The following CEP250 variants were observed in gnomAD, a reference collection of about 807,000 sequenced individuals.
CEP250 encodes centrosome-associated protein CEP250.
CEP250 carries 242 observed loss-of-function variants against 315.7 expected under a neutral mutation model. That is an observed-to-expected ratio of 0.77 (90% confidence interval 0.69 to 0.85). CEP250 has a LOEUF of 0.85. Among genes scored for constraint, CEP250 ranks in the 40% least tolerant of loss-of-function variants. The pLI is 0.00. For missense variants in CEP250, 2,515 were observed against 2,886.4 expected (o/e 0.87, Z 2.95); for synonymous variants, 1,088 against 1,175.0 (o/e 0.93, Z 1.51).
intron 30 of CEP250, among the ~76,000 whole-genome samples, chr20:35,506,698 C>T (rs935405880): frequency 6.6e-6 from 1 of 152,132 alleles, no homozygotes; most frequent in African/African-American, 2.4e-5. Flanking sequence ...CCAAAGTTCA[C>T]AGGGTTTGAA....
At chr20:35,462,684 C>T (rs1232981589) in intron 4 of CEP250, 131 bp downstream of exon 4, 1 of 679,444 alleles carries the variant, frequency 1.5e-6, no homozygotes, top group African/African-American at 1.8e-5. Flanking sequence ...TGAGATAAGA[C>T]CCAGACCTTC....
rs1456569656 is a variant in CEP250 at position 35,465,439 on chromosome 20, AATG to A, written c.244-302_244-300del. The stretch of plus-strand genomic sequence containing the variant: ...TGTCTCCAAAAAAAAAAAAAAAAAA[AATG>A]AAAGAAGTTAAGTCACTTCCCAAGG... On this transcript the variant is annotated intron_variant, in intron 5 of 34. Transcript: ENST00000397527. 3.1e-3 allele frequency among the ~76,000 whole-genome samples: 453 copies of A among 145,482 alleles called. 1 individual carries two copies. Among genetic ancestry groups the A allele is most frequent in the African/African-American group, 0.012 (438 of 35,328 alleles).
chr20:35,469,876 G>A lies in CEP250; in HGVS notation c.852-14G>A. 1 of 1,586,218 alleles carries A rather than the reference G, an allele frequency of 6.3e-7. No individual in the cohort carries two copies. The highest frequency in any genetic ancestry group is 1.1e-5 in the South Asian group (1 of 89,750). On this transcript the variant is annotated splice_polypyrimidine_tract_variant and intron_variant, in intron 9 of 34. Coordinates refer to ENST00000397527, the MANE Select transcript of CEP250 (RefSeq NM_007186.6). Reference sequence around the variant, plus strand: ...TGGGCTGTTCTGGTGACAGTGCTATGCTCTTCTCTTTAGGGTGACCGAGCT... The same window carrying A: ...TGGGCTGTTCTGGTGACAGTGCTATACTCTTCTCTTTAGGGTGACCGAGCT...
rs896658336 is a variant in CEP250, at chr20:35,490,896, G to T, written c.2754+92G>T. The T allele has an allele frequency of 4.1e-6, 6 of 1,456,434 alleles. No homozygotes were observed. The East Asian group carries it at 1.1e-4, about 28-fold the overall frequency. 90.2% of individuals were successfully genotyped at this position (1,456,434 alleles called of 1,614,324 possible). The stretch of plus-strand genomic sequence containing the variant: ...TTCTACTCCCAAGAGGAGTGCTGCA[G>T]AGGGGCTTCCAGAAGAGAGGGTAGC... On this transcript the variant is annotated intron_variant, in intron 21 of 34. Coordinates refer to ENST00000397527, the MANE Select transcript of CEP250 (RefSeq NM_007186.6).
intron 16 of CEP250, among the ~76,000 whole-genome samples, chr20:35,477,594 A>G (rs746612127): frequency 2.6e-5 from 4 of 152,216 alleles, no homozygotes; most frequent in Non-Finnish European, 4.4e-5. Flanking sequence ...CCTCCTTGCA[A>G]TCTCTGTTTC....
Position 35,498,364 on chromosome 20 carries a change from G to T in CEP250, c.3656-231G>T, listed in dbSNP as rs6088867. Among the ~76,000 whole-genome samples the T allele has an allele frequency of 9.7e-3, 1,470 of 152,260 alleles. 12 individuals carry two copies. The highest frequency in any genetic ancestry group is 0.015 in the Non-Finnish European group (998 of 68,012). Reference sequence around the variant, plus strand: ...GGTTGCAGATGTGAATCACTTACACGGTTCCTGGCACTTATTAAGTGCGTA... The same window carrying T: ...GGTTGCAGATGTGAATCACTTACACTGTTCCTGGCACTTATTAAGTGCGTA... On this transcript the variant is annotated intron_variant, in intron 26 of 34. Transcript: ENST00000397527.
At chr20:35,480,616 A>T (rs2063321282) in intron 20 of CEP250, among the ~76,000 whole-genome samples, 1 of 129,660 alleles carries the variant, frequency 7.7e-6, no homozygotes, top group African/African-American at 3.1e-5. Flanking sequence ...TTTCCTTGAG[A>T]CAGTCTCACT....
chr20:35,461,226 G>A (rs1301470587), intron 3 of CEP250, among the ~76,000 whole-genome samples: 1 of 152,154 alleles, frequency 6.6e-6, no homozygotes, highest in Non-Finnish European at 1.5e-5. Context: ...AGAGTCTTAG[G>A]GTTAATAAAA....
intron 23 of CEP250, among the ~76,000 whole-genome samples, chr20:35,494,141 A>T (rs531035399): frequency 6.6e-6 from 1 of 152,162 alleles, no homozygotes; most frequent in South Asian, 2.1e-4. Flanking sequence ...ACACTGGCTA[A>T]TTTTTAAATT....
In CEP250 at chr20:35,509,943, G is replaced by C. The variant is rs1015392944; in HGVS notation, c.7009-55G>C. On this transcript the variant is annotated intron_variant, in intron 33 of 34. Coordinates refer to ENST00000397527, the MANE Select transcript of CEP250 (RefSeq NM_007186.6). ...ATGAGGTTCTGCAAGGAAACTTGCAGAAACCCCAGAGTGGGAAGGCCTATG... is the reference window on the plus strand; with the variant it reads ...ATGAGGTTCTGCAAGGAAACTTGCACAAACCCCAGAGTGGGAAGGCCTATG... 1.0e-5 allele frequency: 16 copies of C among 1,541,706 alleles called. No individual in the cohort carries two copies. The Admixed American group carries it at 2.0e-4, about 19-fold the overall frequency.
chr20:35,506,131 G>T (rs983413804), intron 30 of CEP250, among the ~76,000 whole-genome samples: 1 of 152,178 alleles, frequency 6.6e-6, no homozygotes, highest in African/African-American at 2.4e-5. Flanking sequence ...AGAAGTCAAA[G>T]ATGACACTCA....
In CEP250 at chr20:35,511,890, C is replaced by G; in HGVS notation, c.*264C>G. 1 of 1,275,744 alleles carries G rather than the reference C, an allele frequency of 7.8e-7. No homozygotes were observed. Among genetic ancestry groups the G allele is most frequent in the Non-Finnish European group, 9.9e-7 (1 of 1,011,974 alleles). The allele number at this position is 1,275,744 out of a possible 1,614,324, so 79.0% of individuals were successfully genotyped here. A position where few individuals can be genotyped will look rare whatever the true frequency, so the allele number is the denominator to read the frequency against. ...GCCCTGGCTGAGGGACATGTACTGC[C>G]TCTCATCTAGAATTTATTTTCCTAG... is the stretch of plus-strand genomic sequence containing the variant. On this transcript the variant is annotated 3_prime_UTR_variant, in exon 35 of 35. Transcript: ENST00000397527.
At chr20:35,484,046 A>G in intron 20 of CEP250, among the ~76,000 whole-genome samples, 1 of 151,762 alleles carries the variant, frequency 6.6e-6, no homozygotes, top group Non-Finnish European at 1.5e-5. Context: ...TAGTAATTCC[A>G]ATAACTTTTA....
In CEP250 at chr20:35,491,895, CAAAAAAAAAAAAA is replaced by C. The variant is rs34747030; in HGVS notation, c.2889+560_2889+572del. Reference sequence around the variant, plus strand: ...CCAGCCTTGGTGATAGAGCGAGTCTCAAAAAAAAAAAAAAAAAAAAAAAGGTGTGGCACAGCAG... The same window carrying C: ...CCAGCCTTGGTGATAGAGCGAGTCTCAAAAAAAAAAGGTGTGGCACAGCAG... On this transcript the variant is annotated intron_variant, in intron 22 of 34. Transcript: ENST00000397527. Among the ~76,000 whole-genome samples the C allele has an allele frequency of 2.8e-4, 18 of 63,922 alleles. No homozygotes were observed. In the Admixed American group the frequency reaches 3.5e-3, roughly 12 times the overall value. 41.9% of individuals were successfully genotyped at this position (63,922 alleles called of 152,430 possible). A position where few individuals can be genotyped will look rare whatever the true frequency, so the allele number is the denominator to read the frequency against.
In CEP250 at chr20:35,473,938, C is replaced by G. The variant is rs1310158301; in HGVS notation, c.1457C>G (p.Ala486Gly). The G allele has an allele frequency of 1.2e-6, 2 of 1,612,492 alleles. No homozygotes were observed. The highest frequency in any genetic ancestry group is 1.7e-6 in the Non-Finnish European group (2 of 1,179,508). ...CAGCTGGAGGTGCTAGAGCAGGAGG[C>G]ATGGCGCCTGCGAAGGGTAAATGTG... ...RQQLEVLEQE[A>G]WRLRRVNVEL... Residue 486 changes from alanine to glycine, a missense_variant, in exon 14 of 35, where the codon GCA (alanine) becomes GGA (glycine). Physicochemically the swap from Ala to Gly is moderately conservative, Grantham distance 60. Coordinates refer to ENST00000397527, the MANE Select transcript of CEP250 (RefSeq NM_007186.6).
chr20:35,466,338 CT>C, intron 7 of CEP250, 134 bp downstream of exon 7: 1 of 1,075,618 alleles, frequency 9.3e-7, no homozygotes, highest in Non-Finnish European at 1.3e-6. Flanking sequence ...CCTGACCATC[CT>C]TACCTGCGCA....
intron 28 of CEP250, among the ~76,000 whole-genome samples, chr20:35,501,196 G>C (rs116678612): frequency 0.022 from 3,398 of 152,214 alleles, 142 homozygotes; most frequent in African/African-American, 0.077. Flanking sequence ...AGTTAGCCGG[G>C]TGTGGTGGTG....
intron 1 of CEP250, among the ~76,000 whole-genome samples, chr20:35,456,144 T>G (rs1158606525): frequency 6.6e-6 from 1 of 152,174 alleles, no homozygotes; most frequent in Non-Finnish European, 1.5e-5. Context: ...ATCCGCCCGC[T>G]TCGGCCTCCC....
intron 30 of CEP250, among the ~76,000 whole-genome samples, chr20:35,507,008 C>G (rs181446827): frequency 2.6e-5 from 4 of 152,294 alleles, no homozygotes; most frequent in African/African-American, 9.6e-5. Context: ...ACTGCCACCT[C>G]CAAACACACA....
Sources: allele counts gnomAD v4.1 joint callset (sites outside exome capture counted in the v4.1 genomes callset), GRCh38; gene constraint gnomAD v4.1.1; transcripts MANE v1.5; gene names NCBI Gene and HGNC (gene_info 2026-07-23, HGNC 2026-07-21).